ANO10: variants seen among roughly 807,000 people sequenced by gnomAD.
ANO10 encodes the protein anoctamin 10, also known as anoctamin-10.
Under a neutral mutation model 74.7 loss-of-function variants are expected in ANO10, and 77 were observed. The ratio of observed to expected loss-of-function variants is 1.03; its 90% confidence interval spans 0.86 to 1.25. ANO10 has a LOEUF of 1.25. ANO10 is among the 50% of genes most tolerant of loss of function. The pLI, the probability that ANO10 is intolerant of heterozygous loss-of-function variation, is 0.00. For synonymous variants in ANO10, 279 were observed against 284.9 expected (o/e 0.98, Z 0.21); for missense variants, 721 against 778.1 (o/e 0.93, Z 0.87).
At chr3:43,465,958 T>C (rs138558130) in intron 11 of ANO10, among the ~76,000 whole-genome samples, 57 of 152,306 alleles carry the variant, frequency 3.7e-4, no homozygotes, top group African/African-American at 1.3e-3. Context: ...AAAAGTTTTG[T>C]AGGAATCAGC....
intron 11 of ANO10, among the ~76,000 whole-genome samples, chr3:43,520,102 C>T (rs1192274327): frequency 6.6e-6 from 1 of 152,120 alleles, no homozygotes; most frequent in East Asian, 1.9e-4. Context: ...GGCTGACTTC[C>T]ACAACCAGTG....
At chr3:43,569,057 C>T (rs1325254039) in intron 7 of ANO10, among the ~76,000 whole-genome samples, 20 of 139,456 alleles carry the variant, frequency 1.4e-4, no homozygotes, top group Non-Finnish European at 2.8e-4. Flanking sequence ...ACTACAAACA[C>T]CTCTACGCAA....
rs3223349 is a variant in ANO10, at chr3:43,537,611, C to CCACACACA, written c.1797+12101_1797+12108dup. Among the ~76,000 whole-genome samples, 719 of 140,036 alleles carry CCACACACA rather than the reference C, an allele frequency of 5.1e-3. 3 individuals carry two copies. Among genetic ancestry groups the CCACACACA allele is most frequent in the African/African-American group, 0.014 (534 of 37,498 alleles). The allele number at this position is 140,036 out of a possible 152,430, so 91.9% of individuals were successfully genotyped here. A position where few individuals can be genotyped will look rare whatever the true frequency, so the allele number is the denominator to read the frequency against. On this transcript the variant is annotated intron_variant, in intron 11 of 12. Transcript: ENST00000292246. ...GCTCAGAGCAGGCATACTTTATAAA[C>CCACACACA]CACACACACACACACACACACACAC...
At chr3:43,396,788 C>T (rs890795480) in intron 12 of ANO10, among the ~76,000 whole-genome samples, 1 of 152,108 alleles carries the variant, frequency 6.6e-6, no homozygotes, top group South Asian at 2.1e-4. Context: ...CCTGCCTTCA[C>T]CTCCTGAATA....
At chr3:43,636,107 G>A (rs1471141311) in intron 1 of ANO10, among the ~76,000 whole-genome samples, 2 of 152,172 alleles carry the variant, frequency 1.3e-5, no homozygotes, top group Non-Finnish European at 2.9e-5. Context: ...AGATTCAAGT[G>A]CAAGCTGTTT....
intron 11 of ANO10, among the ~76,000 whole-genome samples, chr3:43,435,981 T>C (rs747015284): frequency 5.3e-5 from 8 of 152,170 alleles, no homozygotes; most frequent in Non-Finnish European, 1.0e-4. Flanking sequence ...GGAGCCAATA[T>C]TGTCTCTATG....
At chr3:43,602,603 T>A (rs2082386263) in intron 2 of ANO10, among the ~76,000 whole-genome samples, 1 of 152,226 alleles carries the variant, frequency 6.6e-6, no homozygotes, top group East Asian at 1.9e-4. Flanking sequence ...CCCAAAGTGC[T>A]GGGATTACAG....
chr3:43,408,044 G>C (rs1026145850), intron 12 of ANO10, among the ~76,000 whole-genome samples: 1 of 152,204 alleles, frequency 6.6e-6, no homozygotes, highest in African/African-American at 2.4e-5. Context: ...GGAGAGAAGA[G>C]AGAATGGAGG....
At chr3:43,548,117 T>C (rs999626894) in intron 11 of ANO10, among the ~76,000 whole-genome samples, 2 of 152,242 alleles carry the variant, frequency 1.3e-5, no homozygotes, top group Non-Finnish European at 2.9e-5. Context: ...TGGTAAAGTA[T>C]CTTTTTATTG....
At chr3:43,550,608 A>G (rs969550100) in intron 10 of ANO10, among the ~76,000 whole-genome samples, 2 of 152,344 alleles carry the variant, frequency 1.3e-5, no homozygotes, top group African/African-American at 4.8e-5. Flanking sequence ...GACTGAATCC[A>G]AACTTAATAT....
intron 11 of ANO10, among the ~76,000 whole-genome samples, chr3:43,510,431 C>A (rs1427685069): frequency 2.6e-3 from 336 of 131,010 alleles, no homozygotes; most frequent in Middle Eastern, 7.9e-3. Flanking sequence ...AACTCTGTCT[C>A]AAAAAAAAAA....
chr3:43,486,737 T>G (rs866281726), intron 11 of ANO10, among the ~76,000 whole-genome samples: 9 of 151,880 alleles, frequency 5.9e-5, no homozygotes, highest in African/African-American at 2.2e-4. Context: ...TATACAATCA[T>G]GTCGTCTGCA....
intron 1 of ANO10, among the ~76,000 whole-genome samples, chr3:43,668,613 AG>A (rs2084020205): frequency 6.6e-6 from 1 of 152,070 alleles, no homozygotes; most frequent in African/African-American, 2.4e-5. Context: ...ATACGGTAAT[AG>A]ATGGGGATCT....
intron 1 of ANO10, among the ~76,000 whole-genome samples, chr3:43,681,020 C>G (rs2084189533): frequency 6.6e-6 from 1 of 152,204 alleles, no homozygotes; most frequent in African/African-American, 2.4e-5. Flanking sequence ...ACTGCATCAA[C>G]TAACGAGCAA....
At chr3:43,575,822 A>G (rs186657865) in intron 6 of ANO10, among the ~76,000 whole-genome samples, 1 of 152,178 alleles carries the variant, frequency 6.6e-6, no homozygotes, top group Non-Finnish European at 1.5e-5. Context: ...TATTTTTAGT[A>G]GAGACGGGGT....
At chr3:43,602,455 G>A (rs932804283) in intron 2 of ANO10, among the ~76,000 whole-genome samples, 3 of 151,966 alleles carry the variant, frequency 2.0e-5, no homozygotes, top group South Asian at 4.1e-4. Context: ...TCCTGCTTCC[G>A]TCTCCCAAAT....
rs149047222 is a variant in ANO10, at chr3:43,559,901, A to G, written c.1476+1319T>C. 4.4e-3 allele frequency among the ~76,000 whole-genome samples: 663 copies of G among 152,302 alleles called. 2 individuals are homozygous for G. The highest frequency in any genetic ancestry group is 0.014 in the African/African-American group (596 of 41,552). ...TTCTCTTTAATTCTTCCTCTGTGAG[A>G]CAGAGTAGGTGTGTGTCTTTTCTCT... On this transcript the variant is annotated intron_variant, in intron 9 of 12. Transcript: ENST00000292246.
chr3:43,636,360 C>T (rs1471192026), intron 1 of ANO10: 1 of 152,216 alleles, frequency 6.6e-6, no homozygotes, highest in African/African-American at 2.4e-5. Context: ...ACTCCTGCCA[C>T]CAGAACAGCC....
At chr3:43,537,876 A>G (rs1420405506) in intron 11 of ANO10, among the ~76,000 whole-genome samples, 8 of 152,166 alleles carry the variant, frequency 5.3e-5, no homozygotes, top group African/African-American at 2.4e-5. Flanking sequence ...CCACCGTCAC[A>G]TAGTTTCTAA....
Sources: allele counts gnomAD v4.1 joint callset (sites outside exome capture counted in the v4.1 genomes callset), GRCh38; gene constraint gnomAD v4.1.1; transcripts MANE v1.5; gene names NCBI Gene and HGNC (gene_info 2026-07-23, HGNC 2026-07-21).